Variants in UNC5C observed in about 807,000 individuals in gnomAD.
The protein encoded by UNC5C is unc-5 netrin receptor C.
In UNC5C, 47 loss-of-function variants were observed where a neutral mutation model predicts 99.8. The ratio of observed to expected loss-of-function variants is 0.47; its 90% CI spans 0.37 to 0.60. The LOEUF is 0.60. Among genes scored for constraint, UNC5C ranks in the 20% least tolerant of loss-of-function variants. The pLI, the probability that UNC5C is intolerant of heterozygous loss-of-function variation, is 0.00. For synonymous variants in UNC5C, 487 were observed against 452.2 expected, an observed-to-expected ratio of 1.08 and a Z score of -0.98; for missense variants, 1,062 against 1,165.9, an observed-to-expected ratio of 0.91 and a Z score of 1.30.
chr4:95,303,549 G>A lies in UNC5C; in HGVS notation c.347-1800C>T, dbSNP rs191000022. ...AAATTAGCTGGGCATGGTGGCGCACGCCTGTAATCCCAGCTACTCGGGAGT... is the reference window on the plus strand; with the variant it reads ...AAATTAGCTGGGCATGGTGGCGCACACCTGTAATCCCAGCTACTCGGGAGT... On this transcript the variant is annotated intron_variant, in intron 2 of 15. Transcript: ENST00000453304. 4.5e-4 allele frequency among the ~76,000 whole-genome samples: 69 copies of A among 152,240 alleles called. No individual in the cohort carries two copies. The East Asian group carries it at 9.7e-3, about 21-fold the overall frequency.
chr4:95,220,196 A>G lies in UNC5C; in HGVS notation c.1109-20T>C. 1 of 1,600,594 alleles carries G rather than the reference A, an allele frequency of 6.2e-7. No individual in the cohort carries two copies. Among genetic ancestry groups the G allele is most frequent in the Non-Finnish European group, 8.5e-7 (1 of 1,171,964 alleles). On this transcript the variant is annotated intron_variant, in intron 7 of 15. Coordinates refer to ENST00000453304, the MANE Select transcript of UNC5C (RefSeq NM_003728.4). Reference sequence around the variant, plus strand: ...GAGCAGCTAGAGAGGAGAGTGAAACATTGAACCAGCTGCTTATAGAAATTT... The same window carrying G: ...GAGCAGCTAGAGAGGAGAGTGAAACGTTGAACCAGCTGCTTATAGAAATTT...
chr4:95,239,015 T>A (rs1200041108), intron 7 of UNC5C, among the ~76,000 whole-genome samples: 2 of 152,252 alleles, frequency 1.3e-5, no homozygotes, highest in Non-Finnish European at 2.9e-5. Context: ...TTCAGATTGC[T>A]CTATGAGTTC....
intron 1 of UNC5C, among the ~76,000 whole-genome samples, chr4:95,396,877 G>A (rs868109450): frequency 1.5e-3 from 223 of 152,292 alleles, no homozygotes; most frequent in African/African-American, 5.2e-3. Context: ...CTTCATGAAT[G>A]CTTTATGAAG....
intron 1 of UNC5C, among the ~76,000 whole-genome samples, chr4:95,496,395 T>C (rs1177485496): frequency 6.6e-6 from 1 of 151,082 alleles, no homozygotes; most frequent in African/African-American, 2.4e-5. Context: ...TCCCTAAATT[T>C]GTGGTGTATA....
chr4:95,287,347 T>C (rs1741273872), intron 3 of UNC5C, among the ~76,000 whole-genome samples: 1 of 152,228 alleles, frequency 6.6e-6, no homozygotes, highest in Non-Finnish European at 1.5e-5. Flanking sequence ...AGCTTCTTGA[T>C]GGCTGAAAAG....
In UNC5C at chr4:95,467,791, T is replaced by C. The variant is rs2626052; in HGVS notation, c.124+80943A>G. Among the ~76,000 whole-genome samples, 1,217 of 152,298 alleles carry C rather than the reference T, an allele frequency of 8.0e-3. 6 individuals are homozygous for C. Among genetic ancestry groups the C allele is most frequent in the Middle Eastern group, 0.02 (6 of 294 alleles). On this transcript the variant is annotated intron_variant, in intron 1 of 15. Coordinates refer to ENST00000453304, the MANE Select transcript of UNC5C (RefSeq NM_003728.4). ...AATAGCCTACTGGTGACTGGAAGCCTTACCAATAACATAAACAGTCAATTA... is the reference window on the plus strand; with the variant it reads ...AATAGCCTACTGGTGACTGGAAGCCCTACCAATAACATAAACAGTCAATTA...
chr4:95,351,571 G>A (rs1051840684), intron 1 of UNC5C, among the ~76,000 whole-genome samples: 1 of 151,948 alleles, frequency 6.6e-6, no homozygotes, highest in Admixed American at 6.6e-5. Flanking sequence ...TGTAATCCTG[G>A]GGCTTTGGGA....
intron 1 of UNC5C, among the ~76,000 whole-genome samples, chr4:95,355,822 T>A (rs575792794): frequency 6.6e-6 from 1 of 152,240 alleles, no homozygotes; most frequent in East Asian, 1.9e-4. Context: ...CCCCAATTTT[T>A]AAAAATATAA....
chr4:95,183,896 G>C lies in UNC5C; in HGVS notation c.2287-835C>G, dbSNP rs569179487. 2.6e-5 allele frequency among the ~76,000 whole-genome samples: 4 copies of C among 152,332 alleles called. No homozygotes were observed. In the South Asian group the frequency reaches 8.3e-4, roughly 32 times the overall value. The stretch of plus-strand genomic sequence containing the variant: ...CAAAGAGCTTCTCATTCGTAGGTCT[G>C]CTGGGGTTAAATGAGCTAAACCAAT... On this transcript the variant is annotated intron_variant, in intron 13 of 15. Transcript: ENST00000453304.
Position 95,219,171 on chromosome 4 carries a change from C to T in UNC5C, c.1443G>A (p.Val481=), listed in dbSNP as rs1738371070. The T allele has an allele frequency of 6.2e-7, 1 of 1,614,088 alleles. No individual in the cohort carries two copies. The part of the protein sequence containing the change: ...LDPLPNLKIK[V]YNTSGAVTPQ... ...GGGTGACAGCACCTGAGGTGTTGTACACTTTGATTTTCAGGTTGGGCAGTG... is the reference window on the plus strand; with the variant it reads ...GGGTGACAGCACCTGAGGTGTTGTATACTTTGATTTTCAGGTTGGGCAGTG... Residue 481 remains valine, a synonymous_variant, in exon 9 of 16, where the codon GTG becomes GTA. Coordinates refer to ENST00000453304, the MANE Select transcript of UNC5C (RefSeq NM_003728.4).
At chr4:95,189,383 T>C (rs1047616490) in intron 12 of UNC5C, among the ~76,000 whole-genome samples, 1 of 152,208 alleles carries the variant, frequency 6.6e-6, no homozygotes, top group Non-Finnish European at 1.5e-5. Flanking sequence ...ACCTCTGTGC[T>C]CAGGCAGTCC....
At chr4:95,340,947 T>C (rs1272938287) in intron 1 of UNC5C, among the ~76,000 whole-genome samples, 2 of 152,134 alleles carry the variant, frequency 1.3e-5, no homozygotes, top group East Asian at 1.9e-4. Flanking sequence ...AAATGCAATG[T>C]GATGTTTTTT....
intron 1 of UNC5C, among the ~76,000 whole-genome samples, chr4:95,489,109 G>A (rs1356752851): frequency 6.7e-6 from 1 of 149,336 alleles, no homozygotes; most frequent in Non-Finnish European, 1.5e-5. Context: ...AAAGGGGGAG[G>A]GGGAGAGGAG....
chr4:95,230,336 A>G (rs1738866616), intron 7 of UNC5C, among the ~76,000 whole-genome samples: 1 of 151,740 alleles, frequency 6.6e-6, no homozygotes, highest in Admixed American at 6.6e-5. Flanking sequence ...TTGATTGTGG[A>G]TATTAGCCCT....
chr4:95,349,990 A>C (rs375531209), intron 1 of UNC5C, among the ~76,000 whole-genome samples: 3 of 152,120 alleles, frequency 2.0e-5, no homozygotes, highest in African/African-American at 7.2e-5. Flanking sequence ...CTTTTTACTT[A>C]TAAAAAGAAA....
At chr4:95,359,086 T>C (rs1744303100) in intron 1 of UNC5C, among the ~76,000 whole-genome samples, 1 of 152,194 alleles carries the variant, frequency 6.6e-6, no homozygotes, top group African/African-American at 2.4e-5. Context: ...ACCAGTATAG[T>C]TGAAGTCATG....
intron 1 of UNC5C, among the ~76,000 whole-genome samples, chr4:95,516,608 C>T (rs1722227638): frequency 6.6e-6 from 1 of 152,152 alleles, no homozygotes; most frequent in Admixed American, 6.5e-5. Flanking sequence ...ATAGTGGACG[C>T]TGGAGCCTTT....
At chr4:95,327,252 CAG>C (rs1463253695) in intron 2 of UNC5C, among the ~76,000 whole-genome samples, 1 of 152,030 alleles carries the variant, frequency 6.6e-6, no homozygotes, top group African/African-American at 2.4e-5. Context: ...TCTGATCTCA[CAG>C]GAAAGCAAAA....
intron 1 of UNC5C, among the ~76,000 whole-genome samples, chr4:95,448,160 G>A (rs1215697447): frequency 6.6e-6 from 1 of 151,034 alleles, no homozygotes; most frequent in African/African-American, 2.4e-5. Context: ...GGTGATGTTA[G>A]CATGTCACAA....
Sources: allele counts gnomAD v4.1 joint callset (sites outside exome capture counted in the v4.1 genomes callset), GRCh38; gene constraint gnomAD v4.1.1; transcripts MANE v1.5; gene names NCBI Gene and HGNC (gene_info 2026-07-23, HGNC 2026-07-21).